ADGRG5: variants seen among roughly 807,000 people sequenced by gnomAD.
The protein encoded by ADGRG5 is adhesion G protein-coupled receptor G5.
A neutral mutation model predicts 53.2 loss-of-function variants in ADGRG5; 37 were observed. That is an observed-to-expected ratio of 0.70 (90% CI 0.53 to 0.91). The LOEUF is 0.91. Ranked by LOEUF, ADGRG5 falls within the 40% of genes least tolerant of loss-of-function variation. The pLI is 0.00. For missense variants in ADGRG5, 614 were observed against 675.8 expected (o/e 0.91, Z 1.01); for synonymous variants, 277 against 290.4 (o/e 0.95, Z 0.47).
At chr16:57,532,470 A>T in the ADGRG5 span, among the ~76,000 whole-genome samples, 1 of 152,164 alleles carries the variant, frequency 6.6e-6, no homozygotes, top group Non-Finnish European at 1.5e-5. Flanking sequence ...GCCCATGTGC[A>T]TTCACAAACA....
chr16:57,529,196 C>G, the ADGRG5 span: 26 of 1,175,162 alleles, frequency 2.2e-5, no homozygotes, highest in East Asian at 9.4e-4. This position sits in a 1 kb window ranked among gnomAD's most constrained non-coding sequence, Gnocchi z 4.1. Flanking sequence ...CGGGCGGGCC[C>G]TGAGCTCGAA....
chr16:57,531,038 G>A, the ADGRG5 span, among the ~76,000 whole-genome samples: 5 of 151,584 alleles, frequency 3.3e-5, no homozygotes, highest in Non-Finnish European at 5.9e-5. Context: ...CTTATCCCTC[G>A]AATGCGGCTG....
chr16:57,568,187 T>A, intron 9 of ADGRG5, 63 bp downstream of exon 9: 1 of 1,539,634 alleles, frequency 6.5e-7, no homozygotes, highest in Non-Finnish European at 8.9e-7. Flanking sequence ...TGATCCCCTT[T>A]AGTCCTTTCT....
intron 1 of ADGRG5, among the ~76,000 whole-genome samples, chr16:57,558,725 T>C (rs1207630950): frequency 6.6e-6 from 1 of 152,186 alleles, no homozygotes; most frequent in Non-Finnish European, 1.5e-5. Flanking sequence ...GGATCTTGAG[T>C]GGAAGTGAGA....
chr16:57,549,232 T>C (rs1267000619), intron 1 of ADGRG5, among the ~76,000 whole-genome samples: 2 of 152,220 alleles, frequency 1.3e-5, no homozygotes, highest in Non-Finnish European at 2.9e-5. Flanking sequence ...TTCGAATGTG[T>C]TGCTAAGCCG....
At chr16:57,539,453 C>CTTTTT (rs375117285), upstream of ADGRG5, among the ~76,000 whole-genome samples, 11 of 108,778 alleles carry the variant, frequency 1.0e-4, 4 homozygotes, top group Non-Finnish European at 1.1e-4. Flanking sequence ...GCACTGTACC[C>CTTTTT]CTTTTTTTTT....
At chr16:57,573,720 G>A (rs1201400497) in intron 10 of ADGRG5, among the ~76,000 whole-genome samples, 1 of 152,102 alleles carries the variant, frequency 6.6e-6, no homozygotes, top group Non-Finnish European at 1.5e-5. Flanking sequence ...GTTTCCATTT[G>A]ATTTATTTTT....
chr16:57,562,253 G>A (rs1399711321), intron 2 of ADGRG5, 96 bp downstream of exon 2: 5 of 1,426,508 alleles, frequency 3.5e-6, no homozygotes, highest in Non-Finnish European at 4.8e-6. Context: ...ATTGAAAAGG[G>A]CCACTTAGGC....
At position 57,570,479 on chromosome 16, in the gene ADGRG5, C is replaced by T; in HGVS notation, c.1152C>T (p.Cys384=). ...LSVKSSVYGP[C]TIPVFDSWEN... is the part of the protein sequence containing the mutation. ...TCAAGAGCTCGGTATACGGACCCTG[C>T]ACAATCCCCGTCTTCGACAGCTGGG... The change falls in exon 10 of 12, where the codon TGC becomes TGT. Residue 384 remains cysteine (C), a synonymous_variant. Coordinates refer to ENST00000349457, the MANE Select transcript of ADGRG5 (RefSeq NM_001304376.3). The T allele has an allele frequency of 6.2e-7, 1 of 1,613,632 alleles. No homozygotes were observed. The highest frequency in any genetic ancestry group is 8.5e-7 in the Non-Finnish European group (1 of 1,179,972).
chr16:57,533,214 G>T, the ADGRG5 span, among the ~76,000 whole-genome samples: 1 of 152,128 alleles, frequency 6.6e-6, no homozygotes. Flanking sequence ...GCAGGAGCAC[G>T]GAAGTTTTGG....
chr16:57,567,964 C>A lies in ADGRG5; in HGVS notation c.930C>A (p.Pro310=). The A allele has an allele frequency of 6.2e-7, 1 of 1,614,006 alleles. No individual in the cohort carries two copies. The highest frequency in any genetic ancestry group is 8.5e-7 in the Non-Finnish European group (1 of 1,179,978). The part of the protein sequence containing the change: ...LSPAFAMSPV[P]GSACTALAAA... ...CCGCATTCGCAATGTCTCCTGTGCC[C>A]GGGTCAGCATGCACGGCTCTGGCCG... The change falls in exon 9 of 12, where the codon CCC becomes CCA. Residue 310 remains proline (P), a synonymous_variant. Coordinates refer to ENST00000349457, the MANE Select transcript of ADGRG5 (RefSeq NM_001304376.3).
At chr16:57,552,600 G>A in intron 1 of ADGRG5, among the ~76,000 whole-genome samples, 1 of 152,184 alleles carries the variant, frequency 6.6e-6, no homozygotes, top group East Asian at 1.9e-4. Flanking sequence ...TGGCTTAAGG[G>A]AACGTTGGCC....
intron 1 of ADGRG5, among the ~76,000 whole-genome samples, chr16:57,551,468 T>G (rs2032752007): frequency 1.3e-5 from 2 of 152,212 alleles, no homozygotes; most frequent in Non-Finnish European, 2.9e-5. Flanking sequence ...GTTCACCATA[T>G]CTTCACCAGG....
Position 57,570,203 on chromosome 16 carries a change from C to T in ADGRG5, c.1091-215C>T, listed in dbSNP as rs2033310072. On this transcript the variant is annotated intron_variant, in intron 9 of 11. Transcript: ENST00000349457. ...CCCAGTGTGACCACTCCTCCCTCCA[C>T]CACTGTTCCATCGTAGAGCCGTCAC... 3.9e-5 allele frequency among the ~76,000 whole-genome samples: 6 copies of T among 152,342 alleles called. No homozygotes were observed. In the South Asian group the frequency reaches 1.0e-3, roughly 26 times the overall value.
At chr16:57,551,499 A>G (rs1358782152) in intron 1 of ADGRG5, among the ~76,000 whole-genome samples, 1 of 152,168 alleles carries the variant, frequency 6.6e-6, no homozygotes, top group African/African-American at 2.4e-5. Flanking sequence ...ATTTCAAAAA[A>G]CCACTCATTG....
chr16:57,560,858 C>T (rs1204199068), intron 1 of ADGRG5, among the ~76,000 whole-genome samples: 1 of 152,132 alleles, frequency 6.6e-6, no homozygotes. Context: ...GATTTTGACT[C>T]ACTGCAGCCT....
In ADGRG5 at chr16:57,567,939, C is replaced by T; in HGVS notation, c.905C>T (p.Pro302Leu). 1 of 1,613,930 alleles carries T rather than the reference C, an allele frequency of 6.2e-7. No individual in the cohort carries two copies. Among genetic ancestry groups the T allele is most frequent in the Non-Finnish European group, 8.5e-7 (1 of 1,179,950 alleles). ...CTGAACATCGCCTTCCTGCTGAGCC[C>T]CGCATTCGCAATGTCTCCTGTGCCC... Reference protein sequence around the residue: ...LLLNIAFLLSPAFAMSPVPGS... With the variant: ...LLLNIAFLLSLAFAMSPVPGS... The change falls in exon 9 of 12, where the codon CCC becomes CTC. Residue 302 changes from proline (P) to leucine (L), a missense_variant. Pro to Leu is a moderately conservative substitution (Grantham distance 98, BLOSUM62 -3). Transcript: ENST00000349457.
chr16:57,534,081 T>C, the ADGRG5 span, among the ~76,000 whole-genome samples: 4 of 152,176 alleles, frequency 2.6e-5, no homozygotes, highest in African/African-American at 4.8e-5. Context: ...CAAATGCCCA[T>C]GTCCCAGACT....
intron 10 of ADGRG5, among the ~76,000 whole-genome samples, chr16:57,572,736 G>A (rs1344407371): frequency 6.6e-6 from 1 of 152,222 alleles, no homozygotes; most frequent in Non-Finnish European, 1.5e-5. Context: ...TCATTCAGAT[G>A]TCCACTGACG....
Sources: gnomAD v4.1 joint callset for allele counts (sites outside exome capture counted in the v4.1 genomes callset) on GRCh38, gnomAD v4.1.1 for gene constraint, Gnocchi (gnomAD v3.1) non-coding constraint, MANE v1.5 for transcripts, NCBI Gene and HGNC (gene_info 2026-07-23, HGNC 2026-07-21) for gene names.